The following ABCC1 variants were observed in gnomAD, a reference collection of about 807,000 sequenced individuals.
The protein encoded by ABCC1 is ATP binding cassette subfamily C member 1 (ABCC1 blood group).
A neutral mutation model predicts 172.9 loss-of-function variants in ABCC1; 83 were observed. That is an observed-to-expected ratio of 0.48 (90% CI 0.40 to 0.58). The LOEUF (loss-of-function observed/expected upper bound fraction) is 0.58, where lower values mean the gene tolerates loss of function less well. Ranked by LOEUF, ABCC1 falls within the 20% of genes least tolerant of loss-of-function variation. The pLI is 0.00. For missense variants in ABCC1, 1,817 were observed against 2,002.7 expected (o/e 0.91, Z 1.77); for synonymous variants, 937 against 825.2 (o/e 1.14, Z -2.32).
At chr16:16,129,698 C>G (rs920512316) in intron 26 of ABCC1, among the ~76,000 whole-genome samples, 7 of 151,876 alleles carry the variant, frequency 4.6e-5, no homozygotes, top group African/African-American at 1.7e-4. Context: ...CCATCAGGCC[C>G]AGCTAATTTT....
chr16:16,017,763 G>A (rs2048054974), intron 5 of ABCC1, among the ~76,000 whole-genome samples: 1 of 152,046 alleles, frequency 6.6e-6, no homozygotes, highest in African/African-American at 2.4e-5. Context: ...CCAGGCTCAT[G>A]TGCAGCTTTT....
At chr16:15,990,580 T>G (rs961068091) in intron 1 of ABCC1, among the ~76,000 whole-genome samples, 61 of 152,146 alleles carry the variant, frequency 4.0e-4, no homozygotes, top group Non-Finnish European at 1.5e-4. Flanking sequence ...GTGTTCGTCT[T>G]CCTGTGCCTG....
intron 14 of ABCC1, 144 bp downstream of exon 14, chr16:16,071,873 G>C: frequency 1.4e-6 from 1 of 726,500 alleles, no homozygotes. Context: ...GGGGGACAAG[G>C]GTTCTGCAGA....
chr16:16,112,861 C>A (rs2044682100), intron 22 of ABCC1, among the ~76,000 whole-genome samples: 1 of 152,178 alleles, frequency 6.6e-6, no homozygotes, highest in South Asian at 2.1e-4. Flanking sequence ...GCGTCATTGT[C>A]CCATTTTACA....
At position 16,007,875 on chromosome 16, in the gene ABCC1, G is replaced by A. The variant is rs778984777; in HGVS notation, c.108G>A (p.Thr36=). 9 of 1,613,406 alleles carry A rather than the reference G, an allele frequency of 5.6e-6. No individual in the cohort carries two copies. In the Middle Eastern group the frequency reaches 4.9e-4, roughly 88 times the overall value. The part of the protein sequence containing the change: ...NPDFTKCFQN[T]VLVWVPCFYL... ...ACTTCACCAAGTGCTTTCAGAACAC[G>A]GTCCTCGTGTGGGTGCCTTGTTTTT... is the stretch of plus-strand genomic sequence containing the variant. Residue 36 remains threonine, a synonymous_variant, in exon 2 of 31, where the codon ACG becomes ACA. Coordinates refer to ENST00000399410, the MANE Select transcript of ABCC1 (RefSeq NM_004996.4).
chr16:16,053,719 C>T (rs1208029294), intron 11 of ABCC1, among the ~76,000 whole-genome samples: 1 of 122,548 alleles, frequency 8.2e-6, no homozygotes, highest in African/African-American at 3.1e-5. Context: ...CCCAGGAGGT[C>T]GAAGCTGTAG....
At chr16:16,112,511 G>A (rs45529233) in intron 22 of ABCC1, among the ~76,000 whole-genome samples, 292 of 152,284 alleles carry the variant, frequency 1.9e-3, no homozygotes, top group African/African-American at 4.9e-3. Context: ...ACTTCCACGT[G>A]TTTTAACTTA....
In ABCC1 at chr16:16,056,131, A is replaced by T; in HGVS notation, c.1513A>T (p.Met505Leu). Residue 505 changes from methionine (M) to leucine (L), a missense_variant, in exon 12 of 31, where the codon ATG becomes TTG. Physicochemically the swap from Met to Leu is conservative, Grantham distance 15. Coordinates refer to ENST00000399410, the MANE Select transcript of ABCC1 (RefSeq NM_004996.4). ...GAGCAAAGACAATCGGATCAAGCTG[A>T]TGAACGAAATTCTCAATGGGATCAA... ...MKSKDNRIKLMNEILNGIKVL... is the reference protein window; with the variant it reads ...MKSKDNRIKLLNEILNGIKVL... The T allele has an allele frequency of 1.2e-6, 2 of 1,614,162 alleles. No homozygotes were observed. Among genetic ancestry groups the T allele is most frequent in the Non-Finnish European group, 1.7e-6 (2 of 1,180,032 alleles).
intron 20 of ABCC1, among the ~76,000 whole-genome samples, chr16:16,105,709 C>G (rs990568170): frequency 7.4e-6 from 1 of 135,306 alleles, no homozygotes; most frequent in Non-Finnish European, 1.6e-5. Context: ...CTTTTCTTTT[C>G]TTTTCTTTTT....
chr16:16,054,484 A>G (rs1254702007), intron 11 of ABCC1, among the ~76,000 whole-genome samples: 1 of 151,644 alleles, frequency 6.6e-6, no homozygotes, highest in East Asian at 1.9e-4. Context: ...CTGTTGATGG[A>G]TATTTATGGT....
At chr16:16,056,598 G>T (rs1331910505) in intron 12 of ABCC1, 1 of 413,822 alleles carries the variant, frequency 2.4e-6, no homozygotes, top group Non-Finnish European at 4.4e-6. Context: ...CAACCTGGGA[G>T]GCGACGGTTG....
intron 5 of ABCC1, among the ~76,000 whole-genome samples, chr16:16,022,627 A>G (rs749893048): frequency 2.1e-4 from 32 of 152,278 alleles, no homozygotes; most frequent in Non-Finnish European, 3.7e-4. Flanking sequence ...CAAGATCTCC[A>G]GGTGGTTCAG....
At chr16:16,084,226 C>G (rs1005999793) in intron 17 of ABCC1, among the ~76,000 whole-genome samples, 2 of 151,658 alleles carry the variant, frequency 1.3e-5, no homozygotes, top group African/African-American at 4.8e-5. Flanking sequence ...CCTCAGCTTC[C>G]TGAGGGGCTG....
intron 5 of ABCC1, among the ~76,000 whole-genome samples, chr16:16,017,653 C>A (rs1387290720): frequency 6.6e-6 from 1 of 152,166 alleles, no homozygotes; most frequent in Non-Finnish European, 1.5e-5. Context: ...AAGCGATCCT[C>A]TTGCCTTGGC....
chr16:15,960,058 G>T (rs1190639935), intron 1 of ABCC1, among the ~76,000 whole-genome samples: 1 of 152,168 alleles, frequency 6.6e-6, no homozygotes, highest in Non-Finnish European at 1.5e-5. Context: ...GAGAATATGT[G>T]TGATGTCTAA....
intron 12 of ABCC1, among the ~76,000 whole-genome samples, chr16:16,059,817 C>G (rs773485096): frequency 1.3e-5 from 2 of 150,832 alleles, no homozygotes; most frequent in East Asian, 2.0e-4. Flanking sequence ...GCTGCCCCCC[C>G]ACCCCCTCCC....
chr16:16,119,022 C>T (rs1301643153), intron 23 of ABCC1, among the ~76,000 whole-genome samples: 1 of 151,592 alleles, frequency 6.6e-6, no homozygotes, highest in East Asian at 1.9e-4. Context: ...TATAATTATA[C>T]AATTTATGGT....
chr16:15,980,727 G>A (rs569931538), intron 1 of ABCC1, among the ~76,000 whole-genome samples: 17 of 152,142 alleles, frequency 1.1e-4, no homozygotes, highest in South Asian at 2.1e-4. Context: ...AAATGATATC[G>A]TTCTGCCCCT....
chr16:15,990,656 T>TC (rs1361385586), intron 1 of ABCC1, among the ~76,000 whole-genome samples: 1 of 151,836 alleles, frequency 6.6e-6, no homozygotes, highest in Non-Finnish European at 1.5e-5. Context: ...AGGATTTCTT[T>TC]CCTTTTTTTT....
Sources: allele counts gnomAD v4.1 joint callset (sites outside exome capture counted in the v4.1 genomes callset), GRCh38; gene constraint gnomAD v4.1.1; transcripts MANE v1.5; gene names NCBI Gene and HGNC (gene_info 2026-07-23, HGNC 2026-07-21).